WDR27: variants seen among roughly 807,000 people sequenced by gnomAD.
WDR27 encodes the protein WD repeat-containing protein 27.
A neutral mutation model predicts 114.4 loss-of-function variants in WDR27; 100 were observed. That is an observed-to-expected ratio of 0.87 (90% confidence interval 0.74 to 1.03). The LOEUF is 1.03. Among genes scored for constraint, WDR27 ranks in the 50% least tolerant of loss-of-function variants. WDR27 has a pLI of 0.00. For missense variants in WDR27, 1,129 were observed against 1,092.9 expected, an observed-to-expected ratio of 1.03 and a Z score of -0.47; for synonymous variants, 449 against 423.1, an observed-to-expected ratio of 1.06 and a Z score of -0.75.
At chr6:169,470,494 A>G (rs796334383) in intron 25 of WDR27, among the ~76,000 whole-genome samples, 14 of 152,352 alleles carry the variant, frequency 9.2e-5, no homozygotes, top group African/African-American at 3.4e-4. Flanking sequence ...ATGGCTTGAA[A>G]AATAGAAATT....
intron 25 of WDR27, among the ~76,000 whole-genome samples, chr6:169,522,048 G>A (rs1794448779): frequency 6.6e-6 from 1 of 152,032 alleles, no homozygotes; most frequent in African/African-American, 2.4e-5. Context: ...GTGGCTGAAT[G>A]AATAAAGAAA....
intron 25 of WDR27, chr6:169,559,013 G>A (rs1799289644): frequency 6.6e-6 from 1 of 152,214 alleles, no homozygotes; most frequent in South Asian, 2.1e-4. Flanking sequence ...GACAGGCTTG[G>A]ATCGTTTACA....
chr6:169,585,922 T>C (rs1316581566), intron 23 of WDR27, among the ~76,000 whole-genome samples: 1 of 152,172 alleles, frequency 6.6e-6, no homozygotes, highest in African/African-American at 2.4e-5. Flanking sequence ...GCTTTTTCAT[T>C]TCTCTAAACA....
chr6:169,644,813 T>C (rs1407578993), intron 16 of WDR27, among the ~76,000 whole-genome samples: 1 of 68,852 alleles, frequency 1.5e-5, no homozygotes, highest in Non-Finnish European at 2.6e-5. Context: ...ATCGAGACCA[T>C]CCCGGCTAAA....
At chr6:169,531,732 C>T (rs1795635182) in intron 25 of WDR27, among the ~76,000 whole-genome samples, 2 of 151,092 alleles carry the variant, frequency 1.3e-5, no homozygotes, top group African/African-American at 4.9e-5. Context: ...CAGCTCACTG[C>T]AACCTCCACC....
intron 23 of WDR27, among the ~76,000 whole-genome samples, chr6:169,594,554 GTTC>G (rs1487856137): frequency 1.3e-5 from 2 of 152,052 alleles, no homozygotes; most frequent in Admixed American, 6.6e-5. Flanking sequence ...TTATTATTTG[GTTC>G]TTATTGTTTC....
intron 25 of WDR27, among the ~76,000 whole-genome samples, chr6:169,525,484 C>G (rs1794847376): frequency 6.9e-6 from 1 of 144,646 alleles, no homozygotes; most frequent in African/African-American, 2.6e-5. Context: ...TGCAGTGAGC[C>G]GAGCTTGGGC....
At chr6:169,636,546 T>C in intron 18 of WDR27, 42 bp from the exon 19 acceptor site, 1 of 1,547,546 alleles carries the variant, frequency 6.5e-7, no homozygotes. Context: ...TAATAAATGT[T>C]AACAAAAACA....
At chr6:169,552,929 G>A (rs1401915517) in intron 25 of WDR27, among the ~76,000 whole-genome samples, 4 of 151,204 alleles carry the variant, frequency 2.6e-5, no homozygotes, top group South Asian at 2.1e-4. Flanking sequence ...GCAGCTAAGC[G>A]CGGCTCGCAC....
intron 23 of WDR27, among the ~76,000 whole-genome samples, chr6:169,601,763 C>T (rs1031697235): frequency 1.3e-5 from 2 of 152,168 alleles, no homozygotes; most frequent in African/African-American, 4.8e-5. Context: ...TAGTACCTGC[C>T]CCAAATCCAC....
chr6:169,452,877 C>T (rs971010045), downstream of WDR27, among the ~76,000 whole-genome samples: 2 of 152,192 alleles, frequency 1.3e-5, no homozygotes, highest in African/African-American at 2.4e-5. Context: ...CTTTGTTATC[C>T]GGAGGGTAGC....
intron 25 of WDR27, among the ~76,000 whole-genome samples, chr6:169,505,933 A>G (rs1212982327): frequency 6.6e-6 from 1 of 152,190 alleles, no homozygotes; most frequent in African/African-American, 2.4e-5. Flanking sequence ...GACACACTGC[A>G]CGCTGCCCAC....
intron 25 of WDR27, among the ~76,000 whole-genome samples, chr6:169,498,453 G>A (rs1471364894): frequency 6.6e-6 from 1 of 152,152 alleles, no homozygotes; most frequent in African/African-American, 2.4e-5. Flanking sequence ...TATGTTATGT[G>A]TATTTTACCA....
At chr6:169,476,488 G>A (rs1334745951) in intron 25 of WDR27, among the ~76,000 whole-genome samples, 1 of 152,136 alleles carries the variant, frequency 6.6e-6, no homozygotes, top group Admixed American at 6.5e-5. Flanking sequence ...AATAGTCTGG[G>A]CTTCCAGAGC....
At chr6:169,636,000 T>G (rs2128220957) in intron 19 of WDR27, among the ~76,000 whole-genome samples, 1 of 152,338 alleles carries the variant, frequency 6.6e-6, no homozygotes, top group East Asian at 1.9e-4. Context: ...TAGGTGTAGC[T>G]AAGAAGATAT....
intron 17 of WDR27, among the ~76,000 whole-genome samples, chr6:169,643,294 TA>T (rs201317889): frequency 6.6e-5 from 10 of 151,834 alleles, no homozygotes; most frequent in East Asian, 3.9e-4. Flanking sequence ...CTACTTTTTT[TA>T]AAAAAAAATT....
chr6:169,596,990 GGTTT>G (rs1161202843), intron 23 of WDR27, among the ~76,000 whole-genome samples: 2 of 152,064 alleles, frequency 1.3e-5, no homozygotes, highest in Non-Finnish European at 2.9e-5. Flanking sequence ...GGTGCATACA[GGTTT>G]ATGACATTTT....
the WDR27 span, among the ~76,000 whole-genome samples, chr6:169,428,441 C>A: frequency 1.3e-5 from 2 of 152,164 alleles, no homozygotes; most frequent in African/African-American, 4.8e-5. Context: ...ATTATCTGTT[C>A]TTAAACAGAT....
At chr6:169,565,876 T>G (rs946435715) in intron 25 of WDR27, among the ~76,000 whole-genome samples, 8 of 152,318 alleles carry the variant, frequency 5.3e-5, no homozygotes, top group Admixed American at 5.2e-4. Context: ...TCTCCTGGGC[T>G]CAAACGATCC....
Sources: gnomAD v4.1 joint callset for allele counts (sites outside exome capture counted in the v4.1 genomes callset) on GRCh38, gnomAD v4.1.1 for gene constraint, MANE v1.5 for transcripts, NCBI Gene and HGNC (gene_info 2026-07-23, HGNC 2026-07-21) for gene names.